The following ADGRB1 variants were observed in gnomAD, a reference collection of about 807,000 sequenced individuals.
ADGRB1 encodes adhesion G protein-coupled receptor B1.
In ADGRB1, 36 loss-of-function variants were observed where a neutral mutation model predicts 175.7. The ratio of observed to expected loss-of-function variants is 0.20; its 90% CI spans 0.16 to 0.27. The LOEUF (loss-of-function observed/expected upper bound fraction) is 0.27. Ranked by LOEUF, ADGRB1 falls within the 10% of genes least tolerant of loss-of-function variation. The pLI is 1.00. For missense variants in ADGRB1, 1,731 were observed against 2,255.3 expected, an observed-to-expected ratio of 0.77 and a Z score of 4.71; for synonymous variants, 1,054 against 979.4, an observed-to-expected ratio of 1.08 and a Z score of -1.42.
intron 16 of ADGRB1, among the ~76,000 whole-genome samples, chr8:142,490,005 A>G (rs1365488266): frequency 6.6e-6 from 1 of 152,104 alleles, no homozygotes; most frequent in Non-Finnish European, 1.5e-5. Context: ...AGGGGCCGAG[A>G]TGCCCTTCTG....
chr8:142,542,314 G>C lies in ADGRB1; in HGVS notation c.4080G>C (p.Lys1360Asn), dbSNP rs1157168227. 1 of 1,613,010 alleles carries C rather than the reference G, an allele frequency of 6.2e-7. No individual in the cohort carries two copies. Among genetic ancestry groups the C allele is most frequent in the Admixed American group, 1.7e-5 (1 of 59,994 alleles). The change falls in exon 28 of 31, where the codon AAG (lysine) becomes AAC (asparagine). Residue 1360 changes from lysine (K) to asparagine (N), a missense_variant. This residue lies in a region of ADGRB1 where 394 missense variants were observed against 410.2 expected (regional missense o/e 0.96). Transcript: ENST00000517894. This position sits in a 1 kb window ranked among gnomAD's most constrained non-coding sequence, Gnocchi z 6.3. ...TATATLRPKPKEEPKYSIHID... is the reference protein window; with the variant it reads ...TATATLRPKPNEEPKYSIHID... Reference sequence around the variant, plus strand: ...CGGCCACGCTGCGGCCCAAGCCCAAGGAGGAGCCCAAGTACAGCATCCACA... The same window carrying C: ...CGGCCACGCTGCGGCCCAAGCCCAACGAGGAGCCCAAGTACAGCATCCACA...
intron 2 of ADGRB1, 47 bp downstream of exon 2, chr8:142,465,029 A>T: frequency 1.3e-5 from 4 of 318,522 alleles, no homozygotes; most frequent in South Asian, 5.3e-5. Context: ...GTGGGCAGAC[A>T]GGGGAGGCGG....
intron 25 of ADGRB1, among the ~76,000 whole-genome samples, chr8:142,536,599 T>C (rs1221739021): frequency 1.3e-5 from 2 of 152,094 alleles, no homozygotes; most frequent in African/African-American, 4.8e-5. Flanking sequence ...GGCTTTCCAC[T>C]GGCTCAGAGG....
At chr8:142,534,240 C>T (rs1844801103) in intron 25 of ADGRB1, among the ~76,000 whole-genome samples, 1 of 152,236 alleles carries the variant, frequency 6.6e-6, no homozygotes, top group Non-Finnish European at 1.5e-5. Flanking sequence ...GGGCCCGCCC[C>T]CTCCCCAGGA....
At chr8:142,532,055 G>C (rs1844651042) in intron 24 of ADGRB1, among the ~76,000 whole-genome samples, 1 of 152,116 alleles carries the variant, frequency 6.6e-6, no homozygotes, top group South Asian at 2.1e-4. Flanking sequence ...TGCCAGCCCT[G>C]GTGTGCCAGC....
In ADGRB1 at chr8:142,490,431, C is replaced by T. The variant is rs200692393; in HGVS notation, c.2632-341C>T. 2.0e-5 allele frequency among the ~76,000 whole-genome samples: 3 copies of T among 152,216 alleles called. No homozygotes were observed. In the East Asian group the frequency reaches 5.8e-4, roughly 29 times the overall value. ...CACTGTGTGCCCGGTGACCCCTGCT[C>T]ACTAGGCCCCGGGGGAAGGGTCTTC... On this transcript the variant is annotated intron_variant, in intron 16 of 30. Coordinates refer to ENST00000517894, the MANE Select transcript of ADGRB1 (RefSeq NM_001702.3).
At chr8:142,479,589 C>G in intron 8 of ADGRB1, 102 bp downstream of exon 8, 3 of 1,546,648 alleles carry the variant, frequency 1.9e-6, no homozygotes, top group Non-Finnish European at 2.6e-6. Context: ...GGGCTCCCGT[C>G]CTGTCCTCAT....
At chr8:142,463,898 T>G (rs1840098710) in intron 1 of ADGRB1, 82 bp from the exon 2 acceptor site, 5 of 282,408 alleles carry the variant, frequency 1.8e-5, no homozygotes, top group Non-Finnish European at 3.3e-5. Flanking sequence ...CTAAGCTGCC[T>G]CCTCTGAGAG....
rs571778634 is a variant in ADGRB1 at position 142,491,184 on chromosome 8, G to A, written c.2675+369G>A. ...TGGGTGCCAGGCACTGAGGGGCTGC[G>A]AAAGCTTCCATGACAGACCAGGGCA... On this transcript the variant is annotated intron_variant, in intron 17 of 30. Coordinates refer to ENST00000517894, the MANE Select transcript of ADGRB1 (RefSeq NM_001702.3). Among the ~76,000 whole-genome samples, 8 of 152,378 alleles carry A rather than the reference G, an allele frequency of 5.3e-5. No individual in the cohort carries two copies. The East Asian group carries it at 5.8e-4, about 11-fold the overall frequency.
rs1286347226 is a variant in ADGRB1, at chr8:142,504,516, A to C, written c.2676-6416A>C. On this transcript the variant is annotated intron_variant, in intron 17 of 30. Transcript: ENST00000517894. This position sits in a 1 kb window ranked among gnomAD's most constrained non-coding sequence, Gnocchi z 5.6. ...CTGCTGGGTGAGGCAGAACACAGGG[A>C]GGGGAGCCCAGCACAGCGGTGGGGA... is the stretch of plus-strand genomic sequence containing the variant. Among the ~76,000 whole-genome samples, 1 of 152,010 alleles carries C rather than the reference A, an allele frequency of 6.6e-6. No individual in the cohort carries two copies. Among genetic ancestry groups the C allele is most frequent in the African/African-American group, 2.4e-5 (1 of 41,386 alleles).
rs574678125 is a variant in ADGRB1 at position 142,455,303 on chromosome 8, C to A, written c.-220+5199C>A. Among the ~76,000 whole-genome samples, 1 of 152,106 alleles carries A rather than the reference C, an allele frequency of 6.6e-6. No individual in the cohort carries two copies. The highest frequency in any genetic ancestry group is 1.5e-5 in the Non-Finnish European group (1 of 68,032). On this transcript the variant is annotated intron_variant, in intron 1 of 30. Transcript: ENST00000517894. The surrounding 1 kb of genome is among the most constrained non-coding windows in gnomAD (Gnocchi z 4.9). The stretch of plus-strand genomic sequence containing the variant: ...TCACAGCCACCTCCCTCAGCATGAT[C>A]GCTGTCACCTTGGCCCCCACCTTAG...
rs981733123 is a variant in ADGRB1, at chr8:142,538,998, AAC to A, written c.3667-366_3667-365del. On this transcript the variant is annotated intron_variant, in intron 26 of 30. Coordinates refer to ENST00000517894, the MANE Select transcript of ADGRB1 (RefSeq NM_001702.3). ...CAAACAGTCTCACACACACCTCAGA[AAC>A]ACACACACAGCCACATACAGAAATA... Among the ~76,000 whole-genome samples, 16 of 152,280 alleles carry A rather than the reference AAC, an allele frequency of 1.1e-4. No homozygotes were observed. In the South Asian group the frequency reaches 2.3e-3, roughly 22 times the overall value.
At chr8:142,460,264 G>T (rs954761508) in intron 1 of ADGRB1, among the ~76,000 whole-genome samples, 1 of 152,240 alleles carries the variant, frequency 6.6e-6, no homozygotes, top group Non-Finnish European at 1.5e-5. Flanking sequence ...CAGGGCAGGG[G>T]GTGAGTGTGG....
intron 26 of ADGRB1, among the ~76,000 whole-genome samples, chr8:142,538,542 A>G (rs1403737864): frequency 6.6e-6 from 1 of 152,136 alleles, no homozygotes; most frequent in Non-Finnish European, 1.5e-5. Flanking sequence ...TGTTGTCTCC[A>G]TCCAACCCAA....
chr8:142,450,643 T>TC (rs1839292084), intron 1 of ADGRB1, among the ~76,000 whole-genome samples: 3 of 150,680 alleles, frequency 2.0e-5, no homozygotes, highest in South Asian at 2.1e-4. Context: ...CGAGACGTCC[T>TC]CCCCCCACGC....
At chr8:142,458,170 T>C (rs879473501) in intron 1 of ADGRB1, among the ~76,000 whole-genome samples, 6 of 152,052 alleles carry the variant, frequency 3.9e-5, no homozygotes, top group Non-Finnish European at 8.8e-5. Context: ...GTCTGTCCAG[T>C]GTGGACTGGA....
In ADGRB1 at chr8:142,543,274, G is replaced by A. The variant is rs1462026686; in HGVS notation, c.4414-129G>A. ...CAGTGCGCCCCCAGGCATGTCCCCTGGGTCTGGCCTGGTCCCTGAAGGCAG... is the reference window on the plus strand; with the variant it reads ...CAGTGCGCCCCCAGGCATGTCCCCTAGGTCTGGCCTGGTCCCTGAAGGCAG... On this transcript the variant is annotated intron_variant, in intron 28 of 30. Transcript: ENST00000517894. This position sits in a 1 kb window ranked among gnomAD's most constrained non-coding sequence, Gnocchi z 4.4. 8 of 1,256,610 alleles carry A rather than the reference G, an allele frequency of 6.4e-6. No homozygotes were observed. In the Admixed American group the frequency reaches 1.2e-4, roughly 19 times the overall value. The allele number at this position is 1,256,610 out of a possible 1,614,324, so 77.8% of individuals were successfully genotyped here.
At chr8:142,536,447 A>G (rs1016355613) in intron 25 of ADGRB1, among the ~76,000 whole-genome samples, 5 of 151,988 alleles carry the variant, frequency 3.3e-5, no homozygotes, top group Admixed American at 3.3e-4. Context: ...CGTCCTCACC[A>G]CTGTCCCCCC....
At chr8:142,496,482 G>T (rs1842222333) in intron 17 of ADGRB1, among the ~76,000 whole-genome samples, 1 of 152,166 alleles carries the variant, frequency 6.6e-6, no homozygotes, top group African/African-American at 2.4e-5. Flanking sequence ...TGGGCTGGTG[G>T]GTGACAGGAA....
Sources: allele counts gnomAD v4.1 joint callset (sites outside exome capture counted in the v4.1 genomes callset), GRCh38; gene constraint gnomAD v4.1.1; regional missense constraint gnomAD v4.1.1; non-coding constraint Gnocchi (gnomAD v3.1); transcripts MANE v1.5; gene names NCBI Gene and HGNC (gene_info 2026-07-23, HGNC 2026-07-21).